PPIP5K2: variants seen among roughly 807,000 people sequenced by gnomAD.
PPIP5K2 encodes the protein inositol hexakisphosphate and diphosphoinositol-pentakisphosphate kinase 2.
Under a neutral mutation model 154.6 loss-of-function variants are expected in PPIP5K2, and 105 were observed. The observed-to-expected ratio is 0.68, with a 90% confidence interval of 0.58 to 0.80. The LOEUF (loss-of-function observed/expected upper bound fraction) is 0.80. Ranked by LOEUF, PPIP5K2 falls within the 30% of genes least tolerant of loss-of-function variation. PPIP5K2 has a pLI of 0.00. For synonymous variants in PPIP5K2, 480 were observed against 490.3 expected (o/e 0.98, Z 0.28); for missense variants, 992 against 1,504.6 (o/e 0.66, Z 5.64).
chr5:103,167,046 C>T (rs1215738272), intron 17 of PPIP5K2, 133 bp from the exon 18 acceptor site: 1 of 626,568 alleles, frequency 1.6e-6, no homozygotes. Flanking sequence ...CAAGGGTCAA[C>T]TGTATTTTGT....
intron 29 of PPIP5K2, among the ~76,000 whole-genome samples, chr5:103,193,615 T>A (rs1378036046): frequency 2.0e-5 from 3 of 151,996 alleles, no homozygotes; most frequent in African/African-American, 7.2e-5. Context: ...AAAGCTAGGT[T>A]GTTTTATGAT....
intron 28 of PPIP5K2, among the ~76,000 whole-genome samples, chr5:103,189,829 A>G (rs934947623): frequency 6.6e-6 from 1 of 152,056 alleles, no homozygotes; most frequent in East Asian, 1.9e-4. Context: ...AAATGAGCAC[A>G]CGCCTATTGA....
At position 103,184,699 on chromosome 5, in the gene PPIP5K2, A is replaced by C. The variant is rs26821; in HGVS notation, c.3124A>C (p.Arg1042=). 492,214 of 1,609,580 alleles carry C rather than the reference A, an allele frequency of 0.31. 77,883 individuals are homozygous for C. Among genetic ancestry groups the C allele is most frequent in the East Asian group, 0.45 (20,126 of 44,734 alleles). ...QVVSENANYL[R]TPRTLVEQKQ... is the part of the protein sequence containing the mutation. ...TGTATCTGAAAATGCTAATTACCTGAGAACACCAAGAACTCTTGTGGAACA... is the reference window on the plus strand; with the variant it reads ...TGTATCTGAAAATGCTAATTACCTGCGAACACCAAGAACTCTTGTGGAACA... The change falls in exon 26 of 31, where the codon AGA becomes CGA. Residue 1042 remains arginine, a synonymous_variant. Transcript: ENST00000358359.
intron 17 of PPIP5K2, among the ~76,000 whole-genome samples, chr5:103,164,813 A>AAAC (rs1487403062): frequency 4.6e-5 from 7 of 152,104 alleles, no homozygotes; most frequent in Non-Finnish European, 1.5e-5. Flanking sequence ...AATGTGGTTA[A>AAAC]ATAACTTGCC....
In PPIP5K2 at chr5:103,153,634, T is replaced by C. The variant is rs1554212013; in HGVS notation, c.1131-214T>C. On this transcript the variant is annotated intron_variant, in intron 10 of 30. Transcript: ENST00000358359. ...AAAGGTTGTATTCTACTATATAGCT[T>C]AATATCACCTCCCTCCCCCAGCTTC... Among the ~76,000 whole-genome samples the C allele has an allele frequency of 2.1e-4, 32 of 151,880 alleles. 1 individual carries two copies. Among genetic ancestry groups the C allele is most frequent in the Non-Finnish European group, 1.5e-5 (1 of 67,762 alleles).
intron 2 of PPIP5K2, among the ~76,000 whole-genome samples, chr5:103,131,298 C>T (rs781951863): frequency 6.6e-6 from 1 of 152,160 alleles, no homozygotes; most frequent in African/African-American, 2.4e-5. Context: ...TAAGCTGCAT[C>T]TACCCATGTT....
At chr5:103,140,490 G>C (rs1418743132) in intron 5 of PPIP5K2, among the ~76,000 whole-genome samples, 1 of 152,234 alleles carries the variant, frequency 6.6e-6, no homozygotes, top group African/African-American at 2.4e-5. Context: ...CTAGGAGAGA[G>C]TGTGATGGCA....
chr5:103,140,863 C>T (rs1194358905), intron 5 of PPIP5K2, among the ~76,000 whole-genome samples: 3 of 150,866 alleles, frequency 2.0e-5, no homozygotes, highest in African/African-American at 7.3e-5. Context: ...AAAAATTATC[C>T]TTCAAACATG....
At position 103,210,584 on chromosome 5, in the gene PPIP5K2, C is replaced by G. The variant is rs1803753992; in HGVS notation, c.*8950C>G. ...TATCTGGGAGACTCTAGAATCTTTA[C>G]CATTCCCTCTACTATTCCTAGCTCC... On this transcript the variant is annotated 3_prime_UTR_variant, in exon 31 of 31. Coordinates refer to ENST00000358359, the MANE Select transcript of PPIP5K2 (RefSeq NM_001276277.3). The G allele has an allele frequency of 6.6e-6, 1 of 152,016 alleles. No individual in the cohort carries two copies. The highest frequency in any genetic ancestry group is 1.5e-5 in the Non-Finnish European group (1 of 67,964). 9.4% of individuals were successfully genotyped at this position (152,016 alleles called of 1,614,324 possible).
chr5:103,180,178 C>A lies in PPIP5K2; in HGVS notation c.2912C>A (p.Ala971Asp), dbSNP rs782742059. Reference protein sequence around the residue: ...KSPLPRSRKTATNDEESPLSV... With the variant: ...KSPLPRSRKTDTNDEESPLSV... ...CCACTTCCAAGATCTAGGAAGACGG[C>A]TACAAATGATGTAAGTATATGTATC... The change falls in exon 24 of 31, where the codon GCT becomes GAT. Residue 971 changes from alanine to aspartate, a missense_variant. Ala to Asp is a moderately radical substitution (Grantham distance 126). This residue lies in a region of PPIP5K2 where 204 missense variants were observed against 224.0 expected (regional missense o/e 0.91). Coordinates refer to ENST00000358359, the MANE Select transcript of PPIP5K2 (RefSeq NM_001276277.3). 9 of 1,588,382 alleles carry A rather than the reference C, an allele frequency of 5.7e-6. No individual in the cohort carries two copies. Among genetic ancestry groups the A allele is most frequent in the Non-Finnish European group, 6.8e-6 (8 of 1,170,486 alleles).
rs1362161518 is a variant in PPIP5K2 at position 103,120,342 on chromosome 5, C to T, written c.-431C>T. 4.4e-6 allele frequency: 2 copies of T among 451,238 alleles called. No individual in the cohort carries two copies. Among genetic ancestry groups the T allele is most frequent in the Non-Finnish European group, 9.0e-6 (2 of 223,432 alleles). The allele number at this position is 451,238 out of a possible 1,614,324, so 28.0% of individuals were successfully genotyped here. ...CCCTTATGTGGCCCTATAGCTGTTACTGAAGGAAGTAGCCTACGTCCACGC... is the reference window on the plus strand; with the variant it reads ...CCCTTATGTGGCCCTATAGCTGTTATTGAAGGAAGTAGCCTACGTCCACGC... On this transcript the variant is annotated 5_prime_UTR_variant, in exon 1 of 31. Coordinates refer to ENST00000358359, the MANE Select transcript of PPIP5K2 (RefSeq NM_001276277.3).
Position 103,195,024 on chromosome 5 carries a change from A to G in PPIP5K2, c.3618A>G (p.Pro1206=), listed in dbSNP as rs543001886. The G allele has an allele frequency of 1.4e-5, 23 of 1,612,244 alleles. No homozygotes were observed. The South Asian group carries it at 2.5e-4, about 18-fold the overall frequency. ...TLKSTKASSK[P]ATSGPSSAVV... ...AGAGCACTAAAGCAAGCAGCAAACC[A>G]GGTAAGGGGTGTGTGTGTTGAGTTT... is the stretch of plus-strand genomic sequence containing the variant. The change falls in exon 30 of 31, where the codon CCA becomes CCG. Residue 1206 remains proline, a splice_region_variant and synonymous_variant. Transcript: ENST00000358359.
At chr5:103,194,159 CTCTG>C (rs1801689356) in intron 29 of PPIP5K2, among the ~76,000 whole-genome samples, 1 of 151,768 alleles carries the variant, frequency 6.6e-6, no homozygotes, top group African/African-American at 2.4e-5. Context: ...CAGTTTGAGA[CTCTG>C]TCTCTTTGTT....
In PPIP5K2 at chr5:103,178,369, A is replaced by G. The variant is rs141959333; in HGVS notation, c.2754+389A>G. On this transcript the variant is annotated intron_variant, in intron 23 of 30. Coordinates refer to ENST00000358359, the MANE Select transcript of PPIP5K2 (RefSeq NM_001276277.3). ...TACTTTTTCTGCCACCTATAGTACT[A>G]CATCTGATACTGCAGACATATATTG... is the stretch of plus-strand genomic sequence containing the variant. Among the ~76,000 whole-genome samples, 126 of 152,064 alleles carry G rather than the reference A, an allele frequency of 8.3e-4. 5 individuals carry two copies. In the East Asian group the frequency reaches 0.022, roughly 27 times the overall value.
chr5:103,187,772 G>A (rs1387976726), intron 28 of PPIP5K2, among the ~76,000 whole-genome samples: 2 of 151,834 alleles, frequency 1.3e-5, no homozygotes, highest in Non-Finnish European at 2.9e-5. Context: ...GTTTTATTGA[G>A]ATATTTAAAC....
chr5:103,124,991 G>C (rs536892510), intron 1 of PPIP5K2, among the ~76,000 whole-genome samples: 2 of 152,280 alleles, frequency 1.3e-5, no homozygotes, highest in South Asian at 4.1e-4. Context: ...CGAATGATTC[G>C]GAGAAGGTCT....
chr5:103,125,605 T>A (rs1789533414), intron 1 of PPIP5K2, among the ~76,000 whole-genome samples: 1 of 152,140 alleles, frequency 6.6e-6, no homozygotes. Context: ...AATAACTGTC[T>A]GTATAACTTG....
chr5:103,212,690 T>A lies in PPIP5K2; in HGVS notation c.*11056T>A, dbSNP rs906815993. On this transcript the variant is annotated 3_prime_UTR_variant, in exon 31 of 31. Coordinates refer to ENST00000358359, the MANE Select transcript of PPIP5K2 (RefSeq NM_001276277.3). ...TTCTAAAATGTTATTGTGTATGTTA[T>A]AAAAGCTTTGTAAAATAAAGTGATG... The A allele has an allele frequency of 6.6e-6, 1 of 152,140 alleles. No individual in the cohort carries two copies. The highest frequency in any genetic ancestry group is 1.5e-5 in the Non-Finnish European group (1 of 67,976). The allele number at this position is 152,140 out of a possible 1,614,324, so 9.4% of individuals were successfully genotyped here. A position where few individuals can be genotyped will look rare whatever the true frequency, so the allele number is the denominator to read the frequency against.
At position 103,204,686 on chromosome 5, in the gene PPIP5K2, T is replaced by C. The variant is rs1433406959; in HGVS notation, c.*3052T>C. 6 of 152,160 alleles carry C rather than the reference T, an allele frequency of 3.9e-5. No individual in the cohort carries two copies. The highest frequency in any genetic ancestry group is 5.9e-5 in the Non-Finnish European group (4 of 68,020). The allele number at this position is 152,160 out of a possible 1,614,324, so 9.4% of individuals were successfully genotyped here. A position where few individuals can be genotyped will look rare whatever the true frequency, so the allele number is the denominator to read the frequency against. Reference sequence around the variant, plus strand: ...CCACATAGAAACAGGTTTCCCTCTGTACATAATCGTAGGTACCAAAATATT... The same window carrying C: ...CCACATAGAAACAGGTTTCCCTCTGCACATAATCGTAGGTACCAAAATATT... On this transcript the variant is annotated 3_prime_UTR_variant, in exon 31 of 31. Transcript: ENST00000358359.
Sources: gnomAD v4.1 joint callset for allele counts (sites outside exome capture counted in the v4.1 genomes callset) on GRCh38, gnomAD v4.1.1 for gene constraint, gnomAD v4.1.1 regional missense constraint, MANE v1.5 for transcripts, NCBI Gene and HGNC (gene_info 2026-07-23, HGNC 2026-07-21) for gene names.